LYPD6: variants seen among roughly 807,000 people sequenced by gnomAD.
The protein encoded by LYPD6 is ly6/PLAUR domain-containing protein 6.
A neutral mutation model predicts 22.7 loss-of-function variants in LYPD6; 15 were observed. The ratio of observed to expected loss-of-function variants is 0.66; its 90% confidence interval spans 0.44 to 1.02. The LOEUF is 1.02. LYPD6 is among the 50% of genes least tolerant of loss of function. The probability of loss-of-function intolerance (pLI) is 0.00; values close to 1 mark genes in which losing one functional copy is unlikely to be tolerated. For missense variants in LYPD6, 189 were observed against 208.4 expected (o/e 0.91, Z 0.57); for synonymous variants, 72 against 77.5 (o/e 0.93, Z 0.37).
chr2:149,407,625 T>A (rs1309132829), intron 1 of LYPD6, among the ~76,000 whole-genome samples: 1 of 152,220 alleles, frequency 6.6e-6, no homozygotes, highest in Non-Finnish European at 1.5e-5. Flanking sequence ...ATTCTAGTTA[T>A]ACATTCGTCT....
intron 1 of LYPD6, among the ~76,000 whole-genome samples, chr2:149,389,262 C>T (rs1030354592): frequency 3.9e-5 from 6 of 152,008 alleles, no homozygotes; most frequent in African/African-American, 9.7e-5. Context: ...TGTAGATGCC[C>T]GAGAGAGTTG....
At chr2:149,438,811 C>T (rs1268661521) in intron 2 of LYPD6, among the ~76,000 whole-genome samples, 5 of 152,142 alleles carry the variant, frequency 3.3e-5, no homozygotes, top group African/African-American at 1.2e-4. Flanking sequence ...TGCAGAATGC[C>T]CTGGGGCTTG....
intron 1 of LYPD6, among the ~76,000 whole-genome samples, chr2:149,371,059 C>A (rs1197458446): frequency 2.0e-5 from 3 of 152,210 alleles, no homozygotes; most frequent in African/African-American, 7.2e-5. Context: ...TTCCTCTCCT[C>A]ACTGAGGCTG....
At chr2:149,451,663 AG>A (rs558358990) in intron 3 of LYPD6, among the ~76,000 whole-genome samples, 79 of 152,320 alleles carry the variant, frequency 5.2e-4, no homozygotes, top group African/African-American at 1.9e-3. Flanking sequence ...ATCATTTCAA[AG>A]TCCAGATACC....
chr2:149,355,160 T>C (rs184572885), intron 1 of LYPD6, among the ~76,000 whole-genome samples: 62 of 152,346 alleles, frequency 4.1e-4, no homozygotes, highest in African/African-American at 1.4e-3. Context: ...TATTGCAGGC[T>C]CATAGAGTTG....
intron 1 of LYPD6, among the ~76,000 whole-genome samples, chr2:149,376,694 T>C (rs925248502): frequency 1.8e-4 from 27 of 152,348 alleles, no homozygotes; most frequent in African/African-American, 6.5e-4. Context: ...ACCCACTGTT[T>C]CACTGTCTTT....
rs527856807 is a variant in LYPD6 at position 149,403,091 on chromosome 2, C to T, written c.-71-34547C>T. Among the ~76,000 whole-genome samples, 1,034 of 151,762 alleles carry T rather than the reference C, an allele frequency of 6.8e-3. 9 individuals are homozygous for T. Among genetic ancestry groups the T allele is most frequent in the African/African-American group, 0.021 (849 of 41,314 alleles). ...TTTTTTATGGCTGCATAGTATTCCA[C>T]GGTGTATATGTGCCACATTTTCTTA... On this transcript the variant is annotated intron_variant, in intron 1 of 4. Coordinates refer to ENST00000334166, the MANE Select transcript of LYPD6 (RefSeq NM_194317.5).
At chr2:149,353,132 C>T (rs1174989306) in intron 1 of LYPD6, among the ~76,000 whole-genome samples, 4 of 152,166 alleles carry the variant, frequency 2.6e-5, no homozygotes, top group Non-Finnish European at 5.9e-5. Flanking sequence ...GTAAAGTAAG[C>T]ACAAATTCTG....
chr2:149,376,818 A>G (rs1373407585), intron 1 of LYPD6, among the ~76,000 whole-genome samples: 2 of 152,228 alleles, frequency 1.3e-5, no homozygotes, highest in African/African-American at 4.8e-5. Flanking sequence ...ACATGTAACC[A>G]TTGCTACTGT....
chr2:149,473,516 CAT>C lies in LYPD6; in HGVS notation c.*2669_*2670del, dbSNP rs1329514008. On this transcript the variant is annotated 3_prime_UTR_variant, in exon 5 of 5. Transcript: ENST00000334166. ...GATGTGTATATTAAGCTATGTGCCA[CAT>C]ATTTATTTTTAGACTCTCCACAGCA... The C allele has an allele frequency of 6.6e-6, 1 of 152,462 alleles. No individual in the cohort carries two copies. The highest frequency in any genetic ancestry group is 1.5e-5 in the Non-Finnish European group (1 of 68,028). The allele number at this position is 152,462 out of a possible 1,614,324, so 9.4% of individuals were successfully genotyped here.
At chr2:149,439,199 C>T (rs913221642) in intron 2 of LYPD6, among the ~76,000 whole-genome samples, 1 of 152,126 alleles carries the variant, frequency 6.6e-6, no homozygotes, top group African/African-American at 2.4e-5. Flanking sequence ...CTCCCATATA[C>T]TTTTAATAGG....
chr2:149,393,975 C>T (rs898669022), intron 1 of LYPD6, among the ~76,000 whole-genome samples: 5 of 152,070 alleles, frequency 3.3e-5, no homozygotes, highest in African/African-American at 7.2e-5. Context: ...CCAGACCTGC[C>T]GATAGAGGTA....
At chr2:149,395,651 T>C (rs1490749647) in intron 1 of LYPD6, among the ~76,000 whole-genome samples, 1 of 152,206 alleles carries the variant, frequency 6.6e-6, no homozygotes, top group African/African-American at 2.4e-5. Context: ...TCATTTACTC[T>C]GTTTATAGTA....
intron 1 of LYPD6, among the ~76,000 whole-genome samples, chr2:149,346,787 G>A (rs1051172026): frequency 1.5e-4 from 23 of 152,068 alleles, no homozygotes; most frequent in Non-Finnish European, 2.2e-4. Context: ...TGCAACCTCC[G>A]CCTCCCGGGT....
intron 1 of LYPD6, among the ~76,000 whole-genome samples, chr2:149,346,266 A>G (rs1180027775): frequency 6.6e-6 from 1 of 151,366 alleles, no homozygotes. Context: ...ATTTAAAAAA[A>G]TGCATAAAGT....
chr2:149,442,992 G>T (rs1442155184), intron 2 of LYPD6, among the ~76,000 whole-genome samples: 1 of 152,148 alleles, frequency 6.6e-6, no homozygotes, highest in Non-Finnish European at 1.5e-5. Context: ...TCAACGATAC[G>T]TGCTGATAAA....
At chr2:149,455,260 T>G (rs1427201720) in intron 3 of LYPD6, among the ~76,000 whole-genome samples, 1 of 141,678 alleles carries the variant, frequency 7.1e-6, no homozygotes, top group Non-Finnish European at 1.5e-5. Context: ...CTAGCAAGTT[T>G]TTTTTTTTTT....
chr2:149,469,804 G>A (rs1005417495), intron 4 of LYPD6, among the ~76,000 whole-genome samples: 3 of 152,168 alleles, frequency 2.0e-5, no homozygotes, highest in African/African-American at 7.2e-5. Context: ...GTAAGTGACA[G>A]GCACAGAATT....
intron 1 of LYPD6, among the ~76,000 whole-genome samples, chr2:149,368,474 A>G (rs886565976): frequency 1.3e-5 from 2 of 152,172 alleles, no homozygotes; most frequent in Non-Finnish European, 2.9e-5. Flanking sequence ...CAGAGGCTTC[A>G]GTGATCTATG....
Sources: allele counts gnomAD v4.1 joint callset (sites outside exome capture counted in the v4.1 genomes callset), GRCh38; gene constraint gnomAD v4.1.1; transcripts MANE v1.5; gene names NCBI Gene and HGNC (gene_info 2026-07-23, HGNC 2026-07-21).